Variants in KLF8 observed in about 807,000 individuals in gnomAD.
KLF8 encodes the protein KLF transcription factor 8, also known as Krueppel-like factor 8.
In KLF8, 10 loss-of-function variants were observed where a neutral mutation model predicts 18.2. The ratio of observed to expected loss-of-function variants is 0.55; its 90% CI spans 0.34 to 0.93. The LOEUF (loss-of-function observed/expected upper bound fraction) is 0.93. KLF8 is among the 40% of genes least tolerant of loss of function. KLF8 has a pLI of 0.02. For synonymous variants in KLF8, 109 were observed against 97.3 expected, an observed-to-expected ratio of 1.12 and a Z score of -0.71; for missense variants, 264 against 277.9, an observed-to-expected ratio of 0.95 and a Z score of 0.36.
At chrX:56,159,892 G>A in the KLF8 span, among the ~76,000 whole-genome samples, 48 of 111,207 alleles carry the variant, frequency 4.3e-4, no homozygotes, top group African/African-American at 1.5e-3. Context: ...ATTTCCTTCA[G>A]TTCTGCTCTG....
At chrX:56,066,667 A>G in the KLF8 span, among the ~76,000 whole-genome samples, 1 of 111,614 alleles carries the variant, frequency 9.0e-6, no homozygotes, top group Admixed American at 9.4e-5. Context: ...GGCACTAGCC[A>G]GCAGTGGTAC....
the KLF8 span, among the ~76,000 whole-genome samples, chrX:55,932,016 G>A: frequency 9.0e-6 from 1 of 110,547 alleles, no homozygotes. Flanking sequence ...CTCTTTGTAA[G>A]TCTCTAAGAA....
chrX:55,917,384 A>T, the KLF8 span, among the ~76,000 whole-genome samples: 2 of 112,136 alleles, frequency 1.8e-5, no homozygotes, highest in African/African-American at 6.5e-5. Flanking sequence ...CCTTTATCCA[A>T]TTCTTTAGTT....
chrX:56,180,153 T>G, the KLF8 span, among the ~76,000 whole-genome samples: 1 of 111,815 alleles, frequency 8.9e-6, no homozygotes, highest in Non-Finnish European at 1.9e-5. Flanking sequence ...CTATTAATTA[T>G]TGCCTCAATT....
At chrX:56,033,982 G>T in the KLF8 span, among the ~76,000 whole-genome samples, 8 of 112,206 alleles carry the variant, frequency 7.1e-5, no homozygotes, top group Non-Finnish European at 1.1e-4. Context: ...GCAAATATTT[G>T]TTGTTTCCTT....
intron 2 of KLF8, among the ~76,000 whole-genome samples, chrX:56,250,752 G>GAGAGAGAT (rs1465297378): frequency 9.0e-6 from 1 of 110,822 alleles, no homozygotes; most frequent in Non-Finnish European, 1.9e-5. Flanking sequence ...GAGAGAGAGA[G>GAGAGAGAT]AGAGAGATTT....
At chrX:55,966,087 C>G in the KLF8 span, among the ~76,000 whole-genome samples, 3 of 112,207 alleles carry the variant, frequency 2.7e-5, no homozygotes, top group South Asian at 1.1e-3. Context: ...AGGACATTGT[C>G]TTGTGGCTTG....
At chrX:56,033,607 T>C in the KLF8 span, among the ~76,000 whole-genome samples, 1 of 112,209 alleles carries the variant, frequency 8.9e-6, no homozygotes, top group Non-Finnish European at 1.9e-5. Context: ...TTTTTTATAA[T>C]GGCTGTAATA....
the KLF8 span, among the ~76,000 whole-genome samples, chrX:55,987,455 G>GT: frequency 1.8e-5 from 2 of 110,855 alleles, no homozygotes; most frequent in African/African-American, 6.6e-5. Flanking sequence ...GTGGTGTTTG[G>GT]TTTTTTGTCC....
chrX:56,022,032 A>C, the KLF8 span, among the ~76,000 whole-genome samples: 43 of 111,435 alleles, frequency 3.9e-4, no homozygotes, highest in African/African-American at 1.4e-3. Flanking sequence ...AATTTAAACC[A>C]AAACAAAATG....
the KLF8 span, among the ~76,000 whole-genome samples, chrX:56,206,672 A>C: frequency 8.9e-6 from 1 of 111,857 alleles, no homozygotes; most frequent in Non-Finnish European, 1.9e-5. Flanking sequence ...GCTTTCATGG[A>C]CTGGTGTTGT....
the KLF8 span, among the ~76,000 whole-genome samples, chrX:55,949,967 G>A: frequency 1.1e-4 from 12 of 111,130 alleles, no homozygotes; most frequent in South Asian, 4.5e-3. Flanking sequence ...TAAAGTTTGA[G>A]TAGTAGTATA....
At chrX:56,277,257 A>C (rs1438718706) in intron 5 of KLF8, among the ~76,000 whole-genome samples, 1 of 111,303 alleles carries the variant, frequency 9.0e-6, no homozygotes, top group Non-Finnish European at 1.9e-5. Flanking sequence ...TTAGGTATTT[A>C]TTGTAGTCTT....
chrX:56,260,355 G>A (rs764667532), intron 2 of KLF8, among the ~76,000 whole-genome samples: 1 of 111,905 alleles, frequency 8.9e-6, no homozygotes, highest in African/African-American at 3.2e-5. Context: ...AATAGAGTAA[G>A]CATAAATATT....
upstream of KLF8, among the ~76,000 whole-genome samples, chrX:56,228,176 A>G (rs1037582323): frequency 3.6e-5 from 4 of 112,414 alleles, no homozygotes; most frequent in Non-Finnish European, 7.5e-5. Context: ...GGAACACAGG[A>G]GCATGTTCTC....
At chrX:56,039,062 C>G in the KLF8 span, among the ~76,000 whole-genome samples, 2 of 110,837 alleles carry the variant, frequency 1.8e-5, no homozygotes, top group African/African-American at 6.5e-5. Flanking sequence ...TGTGGTTTTT[C>G]TTTTTCTTGT....
Position 56,288,143 on chromosome X carries a change from G to T in KLF8, c.*3649G>T, listed in dbSNP as rs1460146961. Among the ~76,000 whole-genome samples the T allele has an allele frequency of 9.0e-6, 1 of 110,672 alleles. No homozygotes were observed. The highest frequency in any genetic ancestry group is 1.9e-5 in the Non-Finnish European group (1 of 52,978). On this transcript the variant is annotated 3_prime_UTR_variant, in exon 6 of 6. Coordinates refer to ENST00000468660, the MANE Select transcript of KLF8 (RefSeq NM_007250.5). ...TCCCAGCAATACTTGAGAGGCTGAG[G>T]CAAGAGAATTGCTTGAACCTGGGAG...
At chrX:56,065,456 T>G in the KLF8 span, among the ~76,000 whole-genome samples, 1 of 112,212 alleles carries the variant, frequency 8.9e-6, no homozygotes, top group Non-Finnish European at 1.9e-5. Context: ...TTCTCATTAA[T>G]ATCTTAAATT....
chrX:56,050,528 C>T, the KLF8 span, among the ~76,000 whole-genome samples: 23 of 111,978 alleles, frequency 2.1e-4, no homozygotes, highest in Non-Finnish European at 3.6e-4. Context: ...GTTATGTACC[C>T]AGTAGTCATT....
Sources: allele counts gnomAD v4.1 joint callset (sites outside exome capture counted in the v4.1 genomes callset), GRCh38; gene constraint gnomAD v4.1.1; transcripts MANE v1.5; gene names NCBI Gene and HGNC (gene_info 2026-07-23, HGNC 2026-07-21).